The following KCNB2 variants were observed in gnomAD, a reference collection of about 807,000 sequenced individuals.
KCNB2 encodes potassium voltage-gated channel subfamily B member 2.
A neutral mutation model predicts 61.5 loss-of-function variants in KCNB2; 15 were observed. The ratio of observed to expected loss-of-function variants is 0.24; its 90% CI spans 0.16 to 0.38. KCNB2 has a LOEUF of 0.38. Ranked by LOEUF, KCNB2 falls within the 10% of genes least tolerant of loss-of-function variation. KCNB2 has a pLI of 1.00. For synonymous variants in KCNB2, 457 were observed against 446.0 expected (o/e 1.02, Z -0.31); for missense variants, 828 against 1,125.2 (o/e 0.74, Z 3.78).
intron 1 of KCNB2, among the ~76,000 whole-genome samples, chr8:72,551,096 C>T (rs1326485599): frequency 6.6e-6 from 1 of 152,170 alleles, no homozygotes; most frequent in Non-Finnish European, 1.5e-5. Context: ...GCACAATGGA[C>T]AGGACCATTT....
At chr8:72,770,658 C>T (rs1022988817) in intron 2 of KCNB2, among the ~76,000 whole-genome samples, 1 of 152,104 alleles carries the variant, frequency 6.6e-6, no homozygotes, top group African/African-American at 2.4e-5. Flanking sequence ...ATAATGACAC[C>T]TATCTCATAA....
At chr8:72,809,870 A>C (rs964799997) in intron 2 of KCNB2, among the ~76,000 whole-genome samples, 1 of 152,146 alleles carries the variant, frequency 6.6e-6, no homozygotes, top group African/African-American at 2.4e-5. Flanking sequence ...GCCTTTTCTT[A>C]TTAGCCTTTG....
At chr8:72,853,600 G>C (rs988417569) in intron 2 of KCNB2, among the ~76,000 whole-genome samples, 1 of 152,192 alleles carries the variant, frequency 6.6e-6, no homozygotes, top group Non-Finnish European at 1.5e-5. Context: ...AGTAATCACT[G>C]ATCCATGATA....
At chr8:72,734,736 A>G (rs967294482) in intron 2 of KCNB2, among the ~76,000 whole-genome samples, 1 of 152,170 alleles carries the variant, frequency 6.6e-6, no homozygotes, top group Non-Finnish European at 1.5e-5. Context: ...GTCAGTGAAG[A>G]CGTGCTCTAG....
intron 2 of KCNB2, among the ~76,000 whole-genome samples, chr8:72,725,733 T>C (rs796218661): frequency 2.1e-4 from 32 of 151,296 alleles, no homozygotes; most frequent in African/African-American, 7.5e-4. Context: ...CTGCCCAGAC[T>C]GTGAACTCCA....
chr8:72,620,056 A>G (rs1256570752), intron 2 of KCNB2, among the ~76,000 whole-genome samples: 1 of 152,256 alleles, frequency 6.6e-6, no homozygotes, highest in Admixed American at 6.5e-5. Context: ...TGCTGCAATA[A>G]TATTTTGAAT....
chr8:72,850,808 T>C (rs1449546501), intron 2 of KCNB2, among the ~76,000 whole-genome samples: 1 of 152,202 alleles, frequency 6.6e-6, no homozygotes, highest in African/African-American at 2.4e-5. Flanking sequence ...CCTCTTGCCA[T>C]TTATATGTGT....
intron 2 of KCNB2, among the ~76,000 whole-genome samples, chr8:72,855,335 T>C (rs773204441): frequency 2.0e-5 from 3 of 152,192 alleles, no homozygotes; most frequent in African/African-American, 4.8e-5. Flanking sequence ...TCCTGTATCA[T>C]TAAATCTGAG....
chr8:72,689,682 T>G (rs144600733), intron 2 of KCNB2, among the ~76,000 whole-genome samples: 1 of 152,326 alleles, frequency 6.6e-6, no homozygotes, highest in Non-Finnish European at 1.5e-5. Context: ...GTTTTTCCCT[T>G]GGCATAAGGT....
At chr8:72,708,023 C>T (rs1467886640) in intron 2 of KCNB2, among the ~76,000 whole-genome samples, 2 of 152,094 alleles carry the variant, frequency 1.3e-5, no homozygotes, top group Non-Finnish European at 2.9e-5. Flanking sequence ...TATAGAGAGG[C>T]CCAGACAGGA....
At chr8:72,872,330 A>C (rs1027779788) in intron 2 of KCNB2, among the ~76,000 whole-genome samples, 3 of 152,234 alleles carry the variant, frequency 2.0e-5, no homozygotes, top group Non-Finnish European at 4.4e-5. Flanking sequence ...TAGCTCTGTC[A>C]GAAAAGCTTC....
chr8:72,641,360 A>G (rs936847271), intron 2 of KCNB2, among the ~76,000 whole-genome samples: 11 of 152,090 alleles, frequency 7.2e-5, no homozygotes, highest in Non-Finnish European at 1.6e-4. Flanking sequence ...AATCACATTC[A>G]TATAATTAGT....
chr8:72,702,896 G>A (rs765214391), intron 2 of KCNB2, among the ~76,000 whole-genome samples: 3 of 152,108 alleles, frequency 2.0e-5, no homozygotes, highest in Non-Finnish European at 4.4e-5. Context: ...CACTCCCCGT[G>A]GCATGTCTTT....
At chr8:72,851,819 G>C (rs1319600893) in intron 2 of KCNB2, among the ~76,000 whole-genome samples, 1 of 37,034 alleles carries the variant, frequency 2.7e-5, no homozygotes, top group African/African-American at 1.1e-4. Context: ...TAATGTAGAA[G>C]CTGTAGGAAA....
chr8:72,538,595 T>C (rs1468138504), intron 1 of KCNB2, among the ~76,000 whole-genome samples: 1 of 152,236 alleles, frequency 6.6e-6, no homozygotes, highest in Non-Finnish European at 1.5e-5. Flanking sequence ...CATTTATGAC[T>C]GCACATGTGT....
At chr8:72,902,613 A>G (rs1730149267) in intron 2 of KCNB2, among the ~76,000 whole-genome samples, 1 of 152,202 alleles carries the variant, frequency 6.6e-6, no homozygotes, top group Non-Finnish European at 1.5e-5. Context: ...TCACTCTGAT[A>G]AGGCCTATTG....
intron 2 of KCNB2, among the ~76,000 whole-genome samples, chr8:72,899,819 C>T (rs1806056574): frequency 6.6e-6 from 1 of 152,150 alleles, no homozygotes; most frequent in African/African-American, 2.4e-5. Flanking sequence ...ATTCCTCTCA[C>T]ACTACCAACA....
At chr8:72,799,109 A>G (rs1490380066) in intron 2 of KCNB2, among the ~76,000 whole-genome samples, 1 of 152,102 alleles carries the variant, frequency 6.6e-6, no homozygotes, top group African/African-American at 2.4e-5. Context: ...CTGTGTGAAG[A>G]CCACATGAGA....
chr8:72,815,123 A>C (rs1180313449), intron 2 of KCNB2, among the ~76,000 whole-genome samples: 1 of 152,170 alleles, frequency 6.6e-6, no homozygotes, highest in Non-Finnish European at 1.5e-5. Context: ...AACAAAAGCT[A>C]CCCAGGTAAA....
Sources: allele counts gnomAD v4.1 joint callset (sites outside exome capture counted in the v4.1 genomes callset), GRCh38; gene constraint gnomAD v4.1.1; transcripts MANE v1.5; gene names NCBI Gene and HGNC (gene_info 2026-07-23, HGNC 2026-07-21).